Variants in RPTOR observed in about 807,000 individuals in gnomAD.
RPTOR encodes the protein regulatory-associated protein of mTOR.
RPTOR carries 21 observed loss-of-function variants against 169.9 expected under a neutral mutation model. The observed-to-expected ratio is 0.12, with a 90% CI of 0.09 to 0.18. RPTOR has a LOEUF of 0.18. Among genes scored for constraint, RPTOR ranks in the 10% least tolerant of loss-of-function variants. The pLI is 1.00. For missense variants in RPTOR, 1,133 were observed against 1,855.9 expected (o/e 0.61, Z 7.16); for synonymous variants, 732 against 753.2 (o/e 0.97, Z 0.46).
chr17:80,755,437 A>T (rs58318383), intron 6 of RPTOR, among the ~76,000 whole-genome samples: 7,999 of 152,178 alleles, frequency 0.053, 267 homozygotes, highest in Non-Finnish European at 0.079. Context: ...CCTTGTCTCT[A>T]AAAAGAAAAT....
intron 11 of RPTOR, among the ~76,000 whole-genome samples, chr17:80,852,588 T>G (rs1446172344): frequency 6.6e-6 from 1 of 152,104 alleles, no homozygotes. Flanking sequence ...AGAAGGGAAG[T>G]GAGGCCACAT....
At position 80,896,988 on chromosome 17, in the gene RPTOR, C is replaced by A. The variant is rs1341454754; in HGVS notation, c.2401+3123C>A. 2.0e-5 allele frequency among the ~76,000 whole-genome samples: 3 copies of A among 152,212 alleles called. No homozygotes were observed. The East Asian group carries it at 5.8e-4, about 29-fold the overall frequency. Reference sequence around the variant, plus strand: ...AGAAAGAATGCCAGTGGGCTGGGCACGGTCCCTCACGCCTGTAATCCCAGC... The same window carrying A: ...AGAAAGAATGCCAGTGGGCTGGGCAAGGTCCCTCACGCCTGTAATCCCAGC... On this transcript the variant is annotated intron_variant, in intron 20 of 33. Coordinates refer to ENST00000306801, the MANE Select transcript of RPTOR (RefSeq NM_020761.3).
intron 1 of RPTOR, among the ~76,000 whole-genome samples, chr17:80,588,255 C>G (rs1056465661): frequency 6.6e-6 from 1 of 151,478 alleles, no homozygotes; most frequent in African/African-American, 2.4e-5. Flanking sequence ...CTCCGCCTCT[C>G]GGGGTCAGGC....
intron 3 of RPTOR, among the ~76,000 whole-genome samples, chr17:80,662,162 C>T (rs1375747982): frequency 6.6e-6 from 1 of 152,070 alleles, no homozygotes; most frequent in African/African-American, 2.4e-5. Flanking sequence ...AGATCATTTC[C>T]ACTCCCCAGA....
At chr17:80,886,711 C>T (rs1429965063) in intron 17 of RPTOR, among the ~76,000 whole-genome samples, 9 of 152,212 alleles carry the variant, frequency 5.9e-5, no homozygotes, top group African/African-American at 2.2e-4. Flanking sequence ...GGGAGCGGTC[C>T]GGCGTCACTC....
At chr17:80,834,853 C>A (rs747699505) in intron 9 of RPTOR, among the ~76,000 whole-genome samples, 5 of 152,214 alleles carry the variant, frequency 3.3e-5, no homozygotes, top group Non-Finnish European at 7.3e-5. Context: ...GGCCCACGGC[C>A]CGGACACCCT....
chr17:80,830,782 G>A (rs949980434), intron 9 of RPTOR, among the ~76,000 whole-genome samples: 4 of 150,338 alleles, frequency 2.7e-5, no homozygotes, highest in Non-Finnish European at 4.4e-5. Flanking sequence ...GCGGGGTCTC[G>A]CTCTGTCACC....
At chr17:80,548,191 C>T (rs1160773187) in intron 1 of RPTOR, among the ~76,000 whole-genome samples, 1 of 149,462 alleles carries the variant, frequency 6.7e-6, no homozygotes, top group African/African-American at 2.5e-5. Context: ...CTGAGTGATC[C>T]TCTCACCTCA....
At chr17:80,797,708 T>TA (rs2067114461) in intron 7 of RPTOR, among the ~76,000 whole-genome samples, 1 of 152,230 alleles carries the variant, frequency 6.6e-6, no homozygotes, top group African/African-American at 2.4e-5. Flanking sequence ...GACACTCCTA[T>TA]AAAAAATACC....
intron 20 of RPTOR, among the ~76,000 whole-genome samples, chr17:80,906,566 G>C (rs1003530086): frequency 1.3e-5 from 2 of 152,216 alleles, no homozygotes; most frequent in East Asian, 1.9e-4. Context: ...AGGGACCGCC[G>C]GCCAGGCACA....
chr17:80,817,255 C>T (rs1394330339), intron 7 of RPTOR, among the ~76,000 whole-genome samples: 1 of 152,186 alleles, frequency 6.6e-6, no homozygotes, highest in Non-Finnish European at 1.5e-5. Context: ...ATTCAAGCCC[C>T]CGTCTGTCTG....
chr17:80,920,135 GC>G (rs1489422480), intron 21 of RPTOR, among the ~76,000 whole-genome samples: 9 of 152,320 alleles, frequency 5.9e-5, no homozygotes, highest in African/African-American at 2.2e-4. Flanking sequence ...CTTTGCCCCT[GC>G]CCCAGCCAGC....
At chr17:80,668,697 A>C (rs1007712120) in intron 3 of RPTOR, among the ~76,000 whole-genome samples, 29 of 152,184 alleles carry the variant, frequency 1.9e-4, no homozygotes, top group African/African-American at 6.8e-4. Flanking sequence ...CTGTCCAGCT[A>C]CCTGGCAGTC....
At chr17:80,913,452 T>C (rs937570893) in intron 21 of RPTOR, among the ~76,000 whole-genome samples, 1 of 151,886 alleles carries the variant, frequency 6.6e-6, no homozygotes, top group African/African-American at 2.4e-5. Context: ...TTGGGGGTGT[T>C]GTTTGTTTGT....
chr17:80,632,306 A>G (rs757512994), intron 2 of RPTOR, among the ~76,000 whole-genome samples: 1 of 152,174 alleles, frequency 6.6e-6, no homozygotes, highest in African/African-American at 2.4e-5. Flanking sequence ...AGCCTTCCTC[A>G]TGCGGATCCC....
At chr17:80,877,152 G>A (rs8068506) in intron 13 of RPTOR, among the ~76,000 whole-genome samples, 41,478 of 152,030 alleles carry the variant, frequency 0.27, 6,539 homozygotes, top group African/African-American at 0.43. Context: ...TTCAAGTCTT[G>A]TTTCCTCTTC....
At chr17:80,924,481 G>C (rs1214381219) in intron 23 of RPTOR, among the ~76,000 whole-genome samples, 1 of 152,132 alleles carries the variant, frequency 6.6e-6, no homozygotes, top group Non-Finnish European at 1.5e-5. Context: ...TGGGGTAGAA[G>C]AGCTGTCACG....
intron 7 of RPTOR, among the ~76,000 whole-genome samples, chr17:80,792,922 C>T (rs1024574598): frequency 2.6e-5 from 4 of 151,980 alleles, no homozygotes; most frequent in Admixed American, 6.6e-5. Context: ...ACACCGGATG[C>T]GTATCCCAAA....
chr17:80,961,288 C>T lies in RPTOR; in HGVS notation c.3606-106C>T, dbSNP rs972127066. 1.3e-5 allele frequency: 14 copies of T among 1,064,448 alleles called. No homozygotes were observed. The East Asian group carries it at 1.3e-4, about 10-fold the overall frequency. 65.9% of individuals were successfully genotyped at this position (1,064,448 alleles called of 1,614,324 possible). On this transcript the variant is annotated intron_variant, in intron 30 of 33. Coordinates refer to ENST00000306801, the MANE Select transcript of RPTOR (RefSeq NM_020761.3). ...TGGGGAGCGGACGGGCGAGGGCCTG[C>T]GGACCCGCTGGCACAGGCAGACCTG...
Sources: allele counts gnomAD v4.1 joint callset (sites outside exome capture counted in the v4.1 genomes callset), GRCh38; gene constraint gnomAD v4.1.1; transcripts MANE v1.5; gene names NCBI Gene and HGNC (gene_info 2026-07-23, HGNC 2026-07-21).